The following NCAM2 variants were observed in gnomAD, a reference collection of about 807,000 sequenced individuals.
NCAM2 encodes the protein neural cell adhesion molecule 2.
Under a neutral mutation model 98.1 loss-of-function variants are expected in NCAM2, and 30 were observed. The observed-to-expected ratio is 0.31, with a 90% confidence interval of 0.23 to 0.41. NCAM2 has a LOEUF of 0.41. Among genes scored for constraint, NCAM2 ranks in the 10% least tolerant of loss-of-function variants. The probability of loss-of-function intolerance (pLI) is 1.00; values close to 1 mark genes in which losing one functional copy is unlikely to be tolerated. For synonymous variants in NCAM2, 368 were observed against 342.4 expected (o/e 1.07, Z -0.83); for missense variants, 867 against 1,005.8 (o/e 0.86, Z 1.87).
chr21:21,271,350 G>A (rs1314117907), intron 1 of NCAM2, among the ~76,000 whole-genome samples: 1 of 152,154 alleles, frequency 6.6e-6, no homozygotes, highest in Non-Finnish European at 1.5e-5. Flanking sequence ...ATCATCCAGT[G>A]GAGAGACAAA....
chr21:21,357,291 TCTC>T (rs2075517342), intron 8 of NCAM2, among the ~76,000 whole-genome samples: 1 of 152,104 alleles, frequency 6.6e-6, no homozygotes, highest in South Asian at 2.1e-4. Flanking sequence ...CACCAAAATA[TCTC>T]CTCGTAATTT....
chr21:21,186,420 T>G (rs1040838118), intron 1 of NCAM2, among the ~76,000 whole-genome samples: 1 of 152,166 alleles, frequency 6.6e-6, no homozygotes, highest in Non-Finnish European at 1.5e-5. Context: ...TGGCATCTAA[T>G]TAAATTCATA....
chr21:21,226,679 ATTGT>A (rs2070396809), intron 1 of NCAM2: 1 of 152,068 alleles, frequency 6.6e-6, no homozygotes, highest in African/African-American at 2.4e-5. Flanking sequence ...TGTATCTGTG[ATTGT>A]TATTCACAAA....
intron 7 of NCAM2, among the ~76,000 whole-genome samples, chr21:21,336,530 C>T (rs1181202241): frequency 6.6e-6 from 1 of 151,510 alleles, no homozygotes; most frequent in African/African-American, 2.4e-5. Context: ...CTAACCTGCA[C>T]GTTGTGCACA....
intron 14 of NCAM2, among the ~76,000 whole-genome samples, chr21:21,473,348 A>T (rs1235169102): frequency 7.1e-6 from 1 of 140,324 alleles, no homozygotes; most frequent in Non-Finnish European, 1.5e-5. Context: ...ATGCAATTAT[A>T]TATAATATAC....
At chr21:21,264,957 ATGTG>A (rs571726188) in intron 1 of NCAM2, among the ~76,000 whole-genome samples, 1 of 21,620 alleles carries the variant, frequency 4.6e-5, no homozygotes, top group Non-Finnish European at 1.1e-4. Flanking sequence ...ATATATGTGT[ATGTG>A]TATATATACA....
At chr21:21,212,336 A>G (rs886432742) in intron 1 of NCAM2, among the ~76,000 whole-genome samples, 2 of 152,234 alleles carry the variant, frequency 1.3e-5, no homozygotes, top group Non-Finnish European at 2.9e-5. Flanking sequence ...AAATGTTTCA[A>G]ATGGTAACAT....
At chr21:21,021,088 C>T (rs1473584773) in intron 1 of NCAM2, among the ~76,000 whole-genome samples, 1 of 152,194 alleles carries the variant, frequency 6.6e-6, no homozygotes, top group African/African-American at 2.4e-5. Context: ...ATTTGATGAT[C>T]TTCTGCTTTC....
At chr21:21,312,691 A>G (rs1300171078) in intron 5 of NCAM2, among the ~76,000 whole-genome samples, 1 of 151,778 alleles carries the variant, frequency 6.6e-6, no homozygotes, top group East Asian at 1.9e-4. Context: ...TTCTTGTACC[A>G]TATATGACAT....
chr21:21,312,587 A>T (rs2074090883), intron 5 of NCAM2, among the ~76,000 whole-genome samples: 1 of 1,132 alleles, frequency 8.8e-4, no homozygotes, highest in African/African-American at 3.1e-3. Flanking sequence ...AAAAAACTTA[A>T]TGTTGATATA....
chr21:21,100,486 G>A (rs750304803), intron 1 of NCAM2, among the ~76,000 whole-genome samples: 8 of 151,974 alleles, frequency 5.3e-5, no homozygotes, highest in African/African-American at 7.2e-5. Flanking sequence ...ACATGATGCC[G>A]TGTAGAAACG....
chr21:21,334,571 T>C (rs1021806260), intron 6 of NCAM2, among the ~76,000 whole-genome samples: 2 of 152,012 alleles, frequency 1.3e-5, no homozygotes, highest in Admixed American at 6.6e-5. Context: ...TTTCCATTAG[T>C]GGTTTTAAAA....
chr21:21,343,596 G>T (rs1159647713), intron 8 of NCAM2, among the ~76,000 whole-genome samples: 1 of 152,080 alleles, frequency 6.6e-6, no homozygotes, highest in East Asian at 1.9e-4. Context: ...CAATTTTGAG[G>T]CAGTGAACTC....
chr21:21,284,430 A>G (rs1406067094), intron 3 of NCAM2, 30 bp downstream of exon 3: 1 of 1,532,916 alleles, frequency 6.5e-7, no homozygotes. Context: ...GTTTTAGTTT[A>G]TTCAATTTCA....
intron 1 of NCAM2, among the ~76,000 whole-genome samples, chr21:21,125,169 G>A (rs1441674360): frequency 2.0e-5 from 3 of 151,574 alleles, no homozygotes; most frequent in Non-Finnish European, 4.4e-5. Context: ...ACCACATTCA[G>A]TAATGTCACA....
intron 15 of NCAM2, among the ~76,000 whole-genome samples, chr21:21,506,596 A>AT (rs576337603): frequency 5.4e-4 from 82 of 152,168 alleles, no homozygotes; most frequent in South Asian, 2.3e-3. Context: ...GTTTATTGAG[A>AT]TTTTGCAAAC....
At chr21:21,232,468 G>A (rs2070668608) in intron 1 of NCAM2, among the ~76,000 whole-genome samples, 1 of 151,476 alleles carries the variant, frequency 6.6e-6, no homozygotes, top group Non-Finnish European at 1.5e-5. Flanking sequence ...TTGTACAGCT[G>A]TGTTTGAATA....
Position 21,021,298 on chromosome 21 carries a change from A to G in NCAM2, c.55+22680A>G, listed in dbSNP as rs149973080. On this transcript the variant is annotated intron_variant, in intron 1 of 17. Coordinates refer to ENST00000400546, the MANE Select transcript of NCAM2 (RefSeq NM_004540.5). ...ACATGGATTTGGGCTTTAAAACCCCAGCATTCAAGGCCATCCATTCTGCCA... is the reference window on the plus strand; with the variant it reads ...ACATGGATTTGGGCTTTAAAACCCCGGCATTCAAGGCCATCCATTCTGCCA... Among the ~76,000 whole-genome samples the G allele has an allele frequency of 4.8e-4, 73 of 152,302 alleles. 1 individual carries two copies. The highest frequency in any genetic ancestry group is 1.6e-3 in the African/African-American group (66 of 41,572).
chr21:21,336,350 C>T (rs1020541748), intron 7 of NCAM2, among the ~76,000 whole-genome samples: 1 of 124,590 alleles, frequency 8.0e-6, no homozygotes, highest in Admixed American at 1.0e-4. Context: ...AATGCTTTCA[C>T]AACAAAAAGA....
Sources: gnomAD v4.1 joint callset for allele counts (sites outside exome capture counted in the v4.1 genomes callset) on GRCh38, gnomAD v4.1.1 for gene constraint, MANE v1.5 for transcripts, NCBI Gene and HGNC (gene_info 2026-07-23, HGNC 2026-07-21) for gene names.